The following LRMDA variants were observed in gnomAD, a reference collection of about 807,000 sequenced individuals.
LRMDA encodes leucine rich melanocyte differentiation associated.
In LRMDA, 18 loss-of-function variants were observed where a neutral mutation model predicts 29.8. The ratio of observed to expected loss-of-function variants is 0.60; its 90% CI spans 0.42 to 0.90. The LOEUF is 0.90. Ranked by LOEUF, LRMDA falls within the 40% of genes least tolerant of loss-of-function variation. The pLI is 0.00. For missense variants in LRMDA, 273 were observed against 273.9 expected, an observed-to-expected ratio of 1.00 and a Z score of 0.02; for synonymous variants, 125 against 109.4, an observed-to-expected ratio of 1.14 and a Z score of -0.89.
chr10:76,320,546 C>G (rs1840758199), intron 5 of LRMDA, among the ~76,000 whole-genome samples: 1 of 152,040 alleles, frequency 6.6e-6, no homozygotes. Flanking sequence ...AGGAATTTTT[C>G]TCTCATTGTG....
At chr10:75,722,351 T>C (rs1842578808) in intron 2 of LRMDA, among the ~76,000 whole-genome samples, 1 of 152,204 alleles carries the variant, frequency 6.6e-6, no homozygotes, top group African/African-American at 2.4e-5. Flanking sequence ...GTACCTTGAT[T>C]GTTTTCAGAT....
chr10:76,455,261 C>G (rs1274791425), intron 6 of LRMDA, among the ~76,000 whole-genome samples: 1 of 152,114 alleles, frequency 6.6e-6, no homozygotes, highest in Non-Finnish European at 1.5e-5. Context: ...ACCCAACGCC[C>G]AAATCCCTTG....
Position 76,234,189 on chromosome 10 carries a change from C to G in LRMDA, c.517-90212C>G, listed in dbSNP as rs115427224. Among the ~76,000 whole-genome samples, 3 of 152,280 alleles carry G rather than the reference C, an allele frequency of 2.0e-5. No individual in the cohort carries two copies. The South Asian group carries it at 6.2e-4, about 32-fold the overall frequency. On this transcript the variant is annotated intron_variant, in intron 5 of 6. Transcript: ENST00000611255. ...GGAGGCATTAAAACAGCATTGATCT[C>G]CTTGTATATCTTCATCAGAGCTCTT...
At chr10:75,500,551 G>A (rs1002204014) in intron 2 of LRMDA, among the ~76,000 whole-genome samples, 1 of 152,122 alleles carries the variant, frequency 6.6e-6, no homozygotes, top group Non-Finnish European at 1.5e-5. Flanking sequence ...AGTAATCTGA[G>A]TATATTAGTC....
intron 6 of LRMDA, among the ~76,000 whole-genome samples, chr10:76,378,858 C>CCTTTTTTTTTCT (rs1841553552): frequency 8.4e-6 from 1 of 118,966 alleles, no homozygotes; most frequent in Non-Finnish European, 1.6e-5. Flanking sequence ...CTTTTTTTTT[C>CCTTTTTTTTTCT]TTTTTTTTTT....
chr10:76,428,590 T>G (rs555916623), intron 6 of LRMDA, among the ~76,000 whole-genome samples: 28 of 152,148 alleles, frequency 1.8e-4, no homozygotes, highest in Non-Finnish European at 3.8e-4. Flanking sequence ...GGATACTCCT[T>G]TCTTGTGAGA....
At chr10:75,538,203 G>A (rs889862880) in intron 2 of LRMDA, among the ~76,000 whole-genome samples, 36 of 152,182 alleles carry the variant, frequency 2.4e-4, no homozygotes, top group African/African-American at 8.7e-4. Flanking sequence ...GGGGAGCCAA[G>A]ACCCTATCTG....
At chr10:75,859,662 A>C (rs1221969349) in intron 2 of LRMDA, among the ~76,000 whole-genome samples, 2 of 148,096 alleles carry the variant, frequency 1.4e-5, no homozygotes, top group Admixed American at 6.8e-5. Flanking sequence ...TCTGGCCTCG[A>C]TGCCTCATAC....
chr10:76,337,713 G>A (rs528607624), intron 6 of LRMDA, among the ~76,000 whole-genome samples: 22 of 152,182 alleles, frequency 1.4e-4, no homozygotes, highest in African/African-American at 5.3e-4. Context: ...AGCAGATGGT[G>A]ATTCATGAAT....
At chr10:75,577,471 A>T (rs189725472) in intron 2 of LRMDA, among the ~76,000 whole-genome samples, 1 of 152,244 alleles carries the variant, frequency 6.6e-6, no homozygotes, top group East Asian at 1.9e-4. Context: ...AGTATTCAGG[A>T]TATTATCCAG....
At chr10:76,064,192 C>G (rs138150643) in intron 5 of LRMDA, among the ~76,000 whole-genome samples, 135 of 152,312 alleles carry the variant, frequency 8.9e-4, no homozygotes, top group African/African-American at 3.2e-3. Context: ...AAGACAGATT[C>G]TGGGCATCGT....
intron 2 of LRMDA, among the ~76,000 whole-genome samples, chr10:75,735,905 T>C (rs1351915168): frequency 1.3e-5 from 2 of 152,208 alleles, no homozygotes; most frequent in Non-Finnish European, 2.9e-5. Flanking sequence ...AAATTTTTTT[T>C]ACATCTTTCC....
intron 5 of LRMDA, among the ~76,000 whole-genome samples, chr10:76,217,184 A>G (rs545016968): frequency 6.6e-6 from 1 of 152,212 alleles, no homozygotes; most frequent in Non-Finnish European, 1.5e-5. Flanking sequence ...ATATGTATGT[A>G]TGTATATGGT....
chr10:75,630,612 G>A (rs1309092740), intron 2 of LRMDA, among the ~76,000 whole-genome samples: 1 of 152,190 alleles, frequency 6.6e-6, no homozygotes, highest in African/African-American at 2.4e-5. Context: ...ATGAATGTGT[G>A]TTGAAAATTT....
intron 6 of LRMDA, among the ~76,000 whole-genome samples, chr10:76,381,038 T>C (rs1284152399): frequency 4.1e-5 from 1 of 24,408 alleles, no homozygotes; most frequent in Non-Finnish European, 2.0e-4. Flanking sequence ...TTTTTTTTTT[T>C]TGGCTTGGAA....
chr10:76,301,114 T>C (rs1015066711), intron 5 of LRMDA, among the ~76,000 whole-genome samples: 1 of 152,216 alleles, frequency 6.6e-6, no homozygotes, highest in Admixed American at 6.5e-5. Context: ...CCCTCAGTTA[T>C]ATTAAAAATT....
At chr10:76,360,853 C>A (rs959677957) in intron 6 of LRMDA, among the ~76,000 whole-genome samples, 1 of 152,152 alleles carries the variant, frequency 6.6e-6, no homozygotes. Context: ...AATGCAGATA[C>A]CCCTGGAAGA....
chr10:76,404,522 C>T (rs959395638), intron 6 of LRMDA, among the ~76,000 whole-genome samples: 2 of 152,142 alleles, frequency 1.3e-5, no homozygotes, highest in Admixed American at 6.5e-5. Context: ...CTTTATCTTC[C>T]CTGGCTCATT....
In LRMDA at chr10:75,813,603, C is replaced by T. The variant is rs116777537; in HGVS notation, c.132-222405C>T. 6.1e-3 allele frequency among the ~76,000 whole-genome samples: 926 copies of T among 152,240 alleles called. 13 individuals carry two copies. The highest frequency in any genetic ancestry group is 0.021 in the African/African-American group (877 of 41,548). On this transcript the variant is annotated intron_variant, in intron 2 of 6. Coordinates refer to ENST00000611255, the MANE Select transcript of LRMDA (RefSeq NM_001305581.2). ...GTGATGCTCTTTGGACGACGTGGGA[C>T]AGATACGCGTTACTCCACAGGTCCA...
Sources: allele counts gnomAD v4.1 joint callset (sites outside exome capture counted in the v4.1 genomes callset), GRCh38; gene constraint gnomAD v4.1.1; transcripts MANE v1.5; gene names NCBI Gene and HGNC (gene_info 2026-07-23, HGNC 2026-07-21).